Variants in DACH1 observed in about 807,000 individuals in gnomAD.
The protein encoded by DACH1 is dachshund family transcription factor 1.
Under a neutral mutation model 54.2 loss-of-function variants are expected in DACH1, and 12 were observed. That is an observed-to-expected ratio of 0.22 (90% CI 0.14 to 0.36). DACH1 has a LOEUF of 0.36. Among genes scored for constraint, DACH1 ranks in the 10% least tolerant of loss-of-function variants. DACH1 has a pLI of 1.00. For synonymous variants in DACH1, 386 were observed against 366.2 expected (o/e 1.05, Z -0.62); for missense variants, 805 against 929.8 (o/e 0.87, Z 1.75).
At chr13:71,515,476 A>G (rs769745576) in intron 6 of DACH1, among the ~76,000 whole-genome samples, 3 of 151,980 alleles carry the variant, frequency 2.0e-5, no homozygotes, top group South Asian at 4.1e-4. Flanking sequence ...ACATATAAAA[A>G]AGGGAAAGCT....
chr13:71,835,081 A>G (rs1888733482), intron 1 of DACH1, among the ~76,000 whole-genome samples: 1 of 152,026 alleles, frequency 6.6e-6, no homozygotes, highest in African/African-American at 2.4e-5. Flanking sequence ...ACCAAAATTC[A>G]TTGTTCTTCC....
At chr13:71,776,439 G>C (rs1267172198) in intron 1 of DACH1, among the ~76,000 whole-genome samples, 3 of 152,010 alleles carry the variant, frequency 2.0e-5, no homozygotes. Context: ...AAGTTAAATA[G>C]TATGGTATTA....
At chr13:71,449,791 C>T (rs1033730322) in intron 10 of DACH1, among the ~76,000 whole-genome samples, 5 of 151,516 alleles carry the variant, frequency 3.3e-5, no homozygotes, top group South Asian at 2.1e-4. Context: ...AATCACAAAC[C>T]GCTTTTATAT....
chr13:71,727,520 G>T (rs1224453507), intron 1 of DACH1, among the ~76,000 whole-genome samples: 1 of 152,028 alleles, frequency 6.6e-6, no homozygotes, highest in African/African-American at 2.4e-5. Context: ...TAATAATATG[G>T]CATTGATGAT....
intron 6 of DACH1, among the ~76,000 whole-genome samples, chr13:71,512,437 C>T (rs1880850237): frequency 6.6e-6 from 1 of 151,764 alleles, no homozygotes; most frequent in African/African-American, 2.4e-5. Context: ...GTAGAGATAA[C>T]AGGAAAACAC....
At position 71,785,987 on chromosome 13, in the gene DACH1, G is replaced by C. The variant is rs574304310; in HGVS notation, c.848+79935C>G. Among the ~76,000 whole-genome samples the C allele has an allele frequency of 2.3e-4, 35 of 152,248 alleles. 1 individual carries two copies. The South Asian group carries it at 7.2e-3, about 32-fold the overall frequency. ...TTCAAGGGAGCACCATGAGGGGCAGGCATTGGTGGACAACAGCTTGGAACA... is the reference window on the plus strand; with the variant it reads ...TTCAAGGGAGCACCATGAGGGGCAGCCATTGGTGGACAACAGCTTGGAACA... On this transcript the variant is annotated intron_variant, in intron 1 of 10. Coordinates refer to ENST00000613252, the MANE Select transcript of DACH1 (RefSeq NM_080759.6).
intron 2 of DACH1, chr13:71,675,231 G>C: frequency 6.4e-7 from 1 of 1,572,328 alleles, no homozygotes; most frequent in Non-Finnish European, 8.7e-7. Context: ...GACGTTATCA[G>C]AAGTCCACTG....
At chr13:71,609,855 T>C (rs550354089) in intron 3 of DACH1, among the ~76,000 whole-genome samples, 6 of 152,096 alleles carry the variant, frequency 3.9e-5, no homozygotes, top group Non-Finnish European at 7.4e-5. Flanking sequence ...TTGATAAATA[T>C]AAAAAATTTT....
At chr13:71,846,575 A>G (rs1035515145) in intron 1 of DACH1, among the ~76,000 whole-genome samples, 1 of 152,212 alleles carries the variant, frequency 6.6e-6, no homozygotes, top group African/African-American at 2.4e-5. Flanking sequence ...TCTTGCAGTG[A>G]GCCGAGATGG....
chr13:71,471,664 A>G (rs1000475256), intron 10 of DACH1, among the ~76,000 whole-genome samples: 2 of 151,840 alleles, frequency 1.3e-5, no homozygotes, highest in African/African-American at 4.8e-5. Context: ...AGGCAGGAGA[A>G]TCGCTTGAAC....
chr13:71,677,505 T>C (rs886619910), intron 2 of DACH1, among the ~76,000 whole-genome samples: 3 of 152,190 alleles, frequency 2.0e-5, no homozygotes, highest in African/African-American at 7.2e-5. Context: ...TTTGTTGTTT[T>C]GTTTTGTATT....
At chr13:71,797,953 A>T (rs1279876847) in intron 1 of DACH1, among the ~76,000 whole-genome samples, 1 of 152,100 alleles carries the variant, frequency 6.6e-6, no homozygotes, top group Non-Finnish European at 1.5e-5. Context: ...GTGACAGAAC[A>T]GTTTCACTGT....
In DACH1 at chr13:71,812,505, GCATCAAAATGGCACCATCAGAAACA is replaced by G. The variant is rs530587491; in HGVS notation, c.848+53392_848+53416del. The stretch of plus-strand genomic sequence containing the variant: ...GAGGACAGGTCAAAGGTGGTTAGAG[GCATCAAAATGGCACCATCAGAAACA>G]CATCAAAATGGCACCATCAGAAACA... On this transcript the variant is annotated intron_variant, in intron 1 of 10. Transcript: ENST00000613252. 9.0e-3 allele frequency among the ~76,000 whole-genome samples: 1,355 copies of G among 150,508 alleles called. 22 individuals are homozygous for G. The highest frequency in any genetic ancestry group is 0.029 in the African/African-American group (1,177 of 41,018).
At chr13:71,681,755 A>AT in intron 2 of DACH1, 40 bp downstream of exon 2, 1 of 1,477,626 alleles carries the variant, frequency 6.8e-7, no homozygotes, top group Non-Finnish European at 9.4e-7. Context: ...ACATTGGCTG[A>AT]TTTTTAATAT....
chr13:71,865,068 C>T (rs1874633116), intron 1 of DACH1, among the ~76,000 whole-genome samples: 1 of 152,160 alleles, frequency 6.6e-6, no homozygotes, highest in African/African-American at 2.4e-5. Context: ...AGTTCAGCTT[C>T]CATTGAGTCT....
At chr13:71,537,949 TC>T in intron 6 of DACH1, among the ~76,000 whole-genome samples, 1 of 152,288 alleles carries the variant, frequency 6.6e-6, no homozygotes, top group Non-Finnish European at 1.5e-5. Context: ...GTAGATATTT[TC>T]TCTATGAGTT....
intron 7 of DACH1, among the ~76,000 whole-genome samples, chr13:71,484,987 C>T (rs1176392912): frequency 2.6e-5 from 4 of 151,366 alleles, no homozygotes; most frequent in Admixed American, 6.6e-5. Flanking sequence ...ACTTGAGAGG[C>T]GGAAGTTGCA....
intron 1 of DACH1, among the ~76,000 whole-genome samples, chr13:71,693,490 T>TTC (rs1479182684): frequency 4.3e-5 from 6 of 139,422 alleles, no homozygotes; most frequent in Non-Finnish European, 7.6e-5. Flanking sequence ...TTTTTTTTTT[T>TTC]TGTATTTTTA....
intron 6 of DACH1, among the ~76,000 whole-genome samples, chr13:71,498,520 A>G (rs140466837): frequency 2.5e-4 from 38 of 152,306 alleles, no homozygotes; most frequent in African/African-American, 8.9e-4. Flanking sequence ...AAGCTCTAGG[A>G]ATAAAATTTT....
Sources: allele counts gnomAD v4.1 joint callset (sites outside exome capture counted in the v4.1 genomes callset), GRCh38; gene constraint gnomAD v4.1.1; transcripts MANE v1.5; gene names NCBI Gene and HGNC (gene_info 2026-07-23, HGNC 2026-07-21).